RANBP2: variants seen among roughly 807,000 people sequenced by gnomAD.
RANBP2 encodes E3 SUMO-protein ligase RanBP2.
In RANBP2, 57 loss-of-function variants were observed where a neutral mutation model predicts 303.6. That is an observed-to-expected ratio of 0.19 (90% CI 0.15 to 0.23). RANBP2 has a LOEUF of 0.23. Among genes scored for constraint, RANBP2 ranks in the 10% least tolerant of loss-of-function variants. RANBP2 has a pLI of 1.00. For missense variants in RANBP2, 3,138 were observed against 3,780.8 expected (o/e 0.83, Z 4.46); for synonymous variants, 1,167 against 1,301.5 (o/e 0.90, Z 2.23).
At chr2:109,321,269 C>T in the RANBP2 span, among the ~76,000 whole-genome samples, 11 of 152,174 alleles carry the variant, frequency 7.2e-5, no homozygotes, top group Non-Finnish European at 7.3e-5. Context: ...CTCATTAAAA[C>T]GCCATTCCTT....
the RANBP2 span, among the ~76,000 whole-genome samples, chr2:109,465,785 G>A: frequency 0.016 from 2,385 of 152,248 alleles, 50 homozygotes; most frequent in African/African-American, 0.053. Flanking sequence ...AGGAGCAAGA[G>A]GGGAGGGAGG....
the RANBP2 span, among the ~76,000 whole-genome samples, chr2:108,923,987 G>A: frequency 6.6e-6 from 1 of 152,252 alleles, no homozygotes; most frequent in Non-Finnish European, 1.5e-5. Context: ...AGACGGTTGT[G>A]CTGTCCAGAG....
chr2:109,278,928 G>A, the RANBP2 span, among the ~76,000 whole-genome samples: 6 of 152,176 alleles, frequency 3.9e-5, no homozygotes, highest in Admixed American at 3.3e-4. Context: ...CCGAGGCTCC[G>A]TGAGAATGTC....
chr2:108,899,669 C>T, the RANBP2 span, among the ~76,000 whole-genome samples: 725 of 152,234 alleles, frequency 4.8e-3, 7 homozygotes, highest in South Asian at 0.023. Context: ...GGTTTTTATA[C>T]TTCATTCAAA....
the RANBP2 span, among the ~76,000 whole-genome samples, chr2:109,010,649 C>T: frequency 6.6e-6 from 1 of 152,154 alleles, no homozygotes; most frequent in African/African-American, 2.4e-5. Flanking sequence ...ACCTAATCAC[C>T]TCCCAAAGAC....
At chr2:109,688,976 G>C in the RANBP2 span, among the ~76,000 whole-genome samples, 84 of 149,404 alleles carry the variant, frequency 5.6e-4, 1 homozygote, top group Middle Eastern at 0.017. Context: ...GCATGATCTC[G>C]GCTCACTGCA....
the RANBP2 span, among the ~76,000 whole-genome samples, chr2:108,832,497 G>A: frequency 1.4e-4 from 21 of 151,700 alleles, no homozygotes; most frequent in Non-Finnish European, 2.7e-4. Context: ...ACAGGCATGC[G>A]CCACCACACC....
chr2:109,557,642 C>G, the RANBP2 span, among the ~76,000 whole-genome samples: 3 of 152,114 alleles, frequency 2.0e-5, no homozygotes, highest in Non-Finnish European at 2.9e-5. Flanking sequence ...TGTAAACTTA[C>G]AAGGCCAATT....
At chr2:109,296,696 C>A in the RANBP2 span, among the ~76,000 whole-genome samples, 2 of 152,116 alleles carry the variant, frequency 1.3e-5, no homozygotes, top group Non-Finnish European at 2.9e-5. Context: ...GTGTCATGGG[C>A]AGCAGAGATT....
intron 1 of RANBP2, among the ~76,000 whole-genome samples, chr2:108,724,290 G>A (rs1694520122): frequency 6.6e-6 from 1 of 152,150 alleles, no homozygotes; most frequent in Non-Finnish European, 1.5e-5. Flanking sequence ...AGCCTCCTGA[G>A]TAGTGGGATT....
At chr2:108,847,682 C>A in the RANBP2 span, among the ~76,000 whole-genome samples, 3 of 152,072 alleles carry the variant, frequency 2.0e-5, no homozygotes, top group Non-Finnish European at 2.9e-5. Context: ...AATAAATATA[C>A]CATCTTTCTG....
At chr2:108,902,260 C>A in the RANBP2 span, among the ~76,000 whole-genome samples, 1 of 151,930 alleles carries the variant, frequency 6.6e-6, no homozygotes, top group South Asian at 2.1e-4. Flanking sequence ...CCTATAATCC[C>A]AGCTACTTGG....
the RANBP2 span, among the ~76,000 whole-genome samples, chr2:109,774,514 A>ATATAAAATATATATAATATATATT: frequency 4.6e-5 from 3 of 65,126 alleles, no homozygotes; most frequent in Non-Finnish European, 7.6e-5. Context: ...ATATATATAT[A>ATATAAAATATATATAATATATATT]ATATATATTA....
chr2:108,756,794 A>T (rs1367790782), intron 17 of RANBP2, among the ~76,000 whole-genome samples: 1 of 152,160 alleles, frequency 6.6e-6, no homozygotes, highest in South Asian at 2.1e-4. Flanking sequence ...TGAGAGAATT[A>T]CTGAAGCCAG....
chr2:109,628,774 A>G, the RANBP2 span, among the ~76,000 whole-genome samples: 1 of 152,132 alleles, frequency 6.6e-6, no homozygotes, highest in Non-Finnish European at 1.5e-5. Context: ...AGCACATTCC[A>G]GGTAGTGTGT....
chr2:109,400,509 C>T, the RANBP2 span, among the ~76,000 whole-genome samples: 2 of 151,986 alleles, frequency 1.3e-5, no homozygotes, highest in South Asian at 4.2e-4. Flanking sequence ...ACACATACAC[C>T]CCTCCAGGTG....
chr2:109,537,356 T>C, the RANBP2 span, among the ~76,000 whole-genome samples: 4 of 152,230 alleles, frequency 2.6e-5, no homozygotes, highest in East Asian at 7.7e-4. Flanking sequence ...ATTAATTTCC[T>C]AATATTAAAA....
the RANBP2 span, among the ~76,000 whole-genome samples, chr2:108,879,025 T>C: frequency 0.73 from 110,269 of 151,826 alleles, 42,828 homozygotes; most frequent in East Asian, 0.95. Context: ...AAGTTCTTTA[T>C]GGTCATGTTC....
the RANBP2 span, among the ~76,000 whole-genome samples, chr2:109,352,622 G>A: frequency 5.9e-5 from 9 of 152,288 alleles, no homozygotes; most frequent in East Asian, 1.5e-3. Flanking sequence ...TCCCTTCCTG[G>A]GCACCCCGCT....
Sources: gnomAD v4.1 joint callset for allele counts (sites outside exome capture counted in the v4.1 genomes callset) on GRCh38, gnomAD v4.1.1 for gene constraint, MANE v1.5 for transcripts, NCBI Gene and HGNC (gene_info 2026-07-23, HGNC 2026-07-21) for gene names.